Variants in PKHD1L1 observed in about 807,000 individuals in gnomAD.
The protein encoded by PKHD1L1 is PKHD1 like 1, also known as fibrocystin-L.
PKHD1L1 carries 434 observed loss-of-function variants against 462.9 expected under a neutral mutation model. The observed-to-expected ratio is 0.94, with a 90% confidence interval of 0.87 to 1.02. PKHD1L1 has a LOEUF of 1.02. PKHD1L1 is among the 50% of genes least tolerant of loss of function. The probability of loss-of-function intolerance (pLI) is 0.00; values close to 1 mark genes in which losing one functional copy is unlikely to be tolerated. For synonymous variants in PKHD1L1, 1,781 were observed against 1,750.0 expected (o/e 1.02, Z -0.44); for missense variants, 5,202 against 5,096.1 (o/e 1.02, Z -0.63).
In PKHD1L1 at chr8:109,439,100, A is replaced by T; in HGVS notation, c.3956+8A>T. On this transcript the variant is annotated splice_region_variant and intron_variant, in intron 32 of 77. Coordinates refer to ENST00000378402, the MANE Select transcript of PKHD1L1 (RefSeq NM_177531.6). ...GGGTTTTGCATCAACAAGGTATGATAATGAACATAAACTTGATGGAGTTGT... is the reference window on the plus strand; with the variant it reads ...GGGTTTTGCATCAACAAGGTATGATTATGAACATAAACTTGATGGAGTTGT... 6.2e-7 allele frequency: 1 copy of T among 1,608,822 alleles called. No individual in the cohort carries two copies. The highest frequency in any genetic ancestry group is 8.5e-7 in the Non-Finnish European group (1 of 1,176,612).
intron 57 of PKHD1L1, among the ~76,000 whole-genome samples, chr8:109,484,671 T>C (rs1042654505): frequency 6.6e-6 from 1 of 151,896 alleles, no homozygotes; most frequent in Non-Finnish European, 1.5e-5. Flanking sequence ...TAGTTAATTG[T>C]ACTAAACAAA....
In PKHD1L1 at chr8:109,408,030, G is replaced by T; in HGVS notation, c.1814-19G>T. On this transcript the variant is annotated intron_variant, in intron 17 of 77. Coordinates refer to ENST00000378402, the MANE Select transcript of PKHD1L1 (RefSeq NM_177531.6). Reference sequence around the variant, plus strand: ...TTATTAGTTAATGTCTACAAATTCTGTTTGTCACTTAATTTCAGGAGACTT... The same window carrying T: ...TTATTAGTTAATGTCTACAAATTCTTTTTGTCACTTAATTTCAGGAGACTT... The T allele has an allele frequency of 1.3e-6, 2 of 1,560,194 alleles. No homozygotes were observed. Among genetic ancestry groups the T allele is most frequent in the Non-Finnish European group, 8.7e-7 (1 of 1,150,496 alleles).
At chr8:109,394,989 T>C (rs1216679000) in intron 10 of PKHD1L1, among the ~76,000 whole-genome samples, 1 of 152,234 alleles carries the variant, frequency 6.6e-6, no homozygotes, top group Non-Finnish European at 1.5e-5. Flanking sequence ...AACACAGTGC[T>C]CTGCAGAATA....
chr8:109,400,120 A>G lies in PKHD1L1; in HGVS notation c.1057A>G (p.Ile353Val), dbSNP rs2130534367. 6.2e-7 allele frequency: 1 copy of G among 1,613,540 alleles called. No individual in the cohort carries two copies. Residue 353 changes from isoleucine (I) to valine (V), a missense_variant, in exon 13 of 78, where the codon ATA becomes GTA. Transcript: ENST00000378402. Reference protein sequence around the residue: ...KLEVWNNSRPIRLEEILEYNE... With the variant: ...KLEVWNNSRPVRLEEILEYNE... The stretch of plus-strand genomic sequence containing the variant: ...TGAGGTGTGGAATAATAGCCGTCCA[A>G]TACGTTTGGAAGAGATACTGGAATA...
intron 53 of PKHD1L1, 121 bp downstream of exon 53, chr8:109,477,517 T>A (rs930823455): frequency 4.6e-6 from 4 of 871,770 alleles, no homozygotes; most frequent in Middle Eastern, 4.6e-4. Flanking sequence ...GGTTACAAAG[T>A]ACTTTCACAT....
intron 9 of PKHD1L1, among the ~76,000 whole-genome samples, chr8:109,394,134 A>C (rs1812840334): frequency 7.1e-6 from 1 of 140,820 alleles, no homozygotes; most frequent in African/African-American, 2.8e-5. Context: ...GGATTGCACC[A>C]CTGCACTCCA....
intron 48 of PKHD1L1, among the ~76,000 whole-genome samples, chr8:109,463,705 G>C (rs926315384): frequency 6.6e-6 from 1 of 152,112 alleles, no homozygotes; most frequent in Admixed American, 6.6e-5. Context: ...ATGGAACTTT[G>C]TAACCATAAA....
At chr8:109,401,198 A>T (rs1159830982) in intron 13 of PKHD1L1, among the ~76,000 whole-genome samples, 1 of 152,120 alleles carries the variant, frequency 6.6e-6, no homozygotes, top group Non-Finnish European at 1.5e-5. Context: ...TTTCCTGGTA[A>T]GTATCTTCTT....
chr8:109,471,154 A>G, intron 50 of PKHD1L1: 2 of 1,313,954 alleles, frequency 1.5e-6, no homozygotes, highest in East Asian at 4.9e-5. Context: ...ATTCTTCATG[A>G]AATGTGTTTT....
rs145320491 is a variant in PKHD1L1, at chr8:109,394,289, T to C, written c.741-126T>C. On this transcript the variant is annotated intron_variant, in intron 9 of 77. Transcript: ENST00000378402. ...ACCAAATCAAAATAAAGAACATTCT[T>C]ATCTTCTCCCAAAAGTTCCATCGTG... 24 of 553,050 alleles carry C rather than the reference T, an allele frequency of 4.3e-5. No homozygotes were observed. In the East Asian group the frequency reaches 7.1e-4, roughly 16 times the overall value. 34.3% of individuals were successfully genotyped at this position (553,050 alleles called of 1,614,324 possible).
At chr8:109,374,888 T>C (rs1048867436) in intron 2 of PKHD1L1, among the ~76,000 whole-genome samples, 1 of 152,258 alleles carries the variant, frequency 6.6e-6, no homozygotes, top group African/African-American at 2.4e-5. Flanking sequence ...TCTGATGGGC[T>C]TCCCTTTGTG....
chr8:109,362,564 G>A lies in PKHD1L1; in HGVS notation c.-17G>A, dbSNP rs748721794. ...GCTGCGAGCGGAGGGCACCAACTCC[G>A]CAGAACTGGCTTTTCAATGGGACAC... On this transcript the variant is annotated 5_prime_UTR_variant, in exon 1 of 78. Coordinates refer to ENST00000378402, the MANE Select transcript of PKHD1L1 (RefSeq NM_177531.6). The A allele has an allele frequency of 1.9e-6, 3 of 1,599,246 alleles. No individual in the cohort carries two copies. Among genetic ancestry groups the A allele is most frequent in the East Asian group, 2.3e-5 (1 of 44,322 alleles).
intron 2 of PKHD1L1, among the ~76,000 whole-genome samples, chr8:109,368,981 A>T (rs987320044): frequency 3.3e-5 from 5 of 151,268 alleles, no homozygotes; most frequent in South Asian, 2.1e-4. Flanking sequence ...TTAGAATTAC[A>T]TATTTTTTTT....
In PKHD1L1 at chr8:109,464,508, C is replaced by T. The variant is rs746424993; in HGVS notation, c.7676C>T (p.Pro2559Leu). The stretch of plus-strand genomic sequence containing the variant: ...AGTCTTCTGAATGATGATGTGACCC[C>T]GGCTGCATTTTGGGTCACCAACCCG... Reference protein sequence around the residue: ...STSLLNDDVTPAAFWVTNPNN... With the variant: ...STSLLNDDVTLAAFWVTNPNN... The change falls in exon 49 of 78, where the codon CCG becomes CTG. Residue 2559 changes from proline to leucine, a missense_variant. Coordinates refer to ENST00000378402, the MANE Select transcript of PKHD1L1 (RefSeq NM_177531.6). 12 of 1,613,606 alleles carry T rather than the reference C, an allele frequency of 7.4e-6. No individual in the cohort carries two copies. The highest frequency in any genetic ancestry group is 3.3e-5 in the Admixed American group (2 of 59,930).
intron 28 of PKHD1L1, 97 bp downstream of exon 28, chr8:109,433,313 A>C (rs576855127): frequency 9.6e-7 from 1 of 1,039,864 alleles, no homozygotes; most frequent in African/African-American, 1.6e-5. Flanking sequence ...GTGTACAATT[A>C]TCATGATCCA....
chr8:109,530,468 C>T lies in PKHD1L1; in HGVS notation c.*378C>T. 1 of 139,026 alleles carries T rather than the reference C, an allele frequency of 7.2e-6. No homozygotes were observed. Among genetic ancestry groups the T allele is most frequent in the South Asian group, 2.2e-4 (1 of 4,452 alleles). The allele number at this position is 139,026 out of a possible 1,614,324, so 8.6% of individuals were successfully genotyped here. A position where few individuals can be genotyped will look rare whatever the true frequency, so the allele number is the denominator to read the frequency against. ...AGCATTTTAAGTATTCTTTTTAATA[C>T]TTGAGGGGGGGGGTTCTTATTTTCT... is the stretch of plus-strand genomic sequence containing the variant. On this transcript the variant is annotated 3_prime_UTR_variant, in exon 78 of 78. Transcript: ENST00000378402.
chr8:109,421,739 G>A (rs938249468), intron 23 of PKHD1L1, among the ~76,000 whole-genome samples: 3 of 152,112 alleles, frequency 2.0e-5, no homozygotes, highest in African/African-American at 4.8e-5. Flanking sequence ...AGCGGAGATC[G>A]CGCCACTGCA....
intron 46 of PKHD1L1, 77 bp downstream of exon 46, chr8:109,456,468 T>C: frequency 7.3e-7 from 1 of 1,371,266 alleles, no homozygotes; most frequent in Non-Finnish European, 9.6e-7. Context: ...ACAATTCAGA[T>C]GGTGCATGAC....
At chr8:109,454,921 T>A in intron 45 of PKHD1L1, 69 bp downstream of exon 45, 2 of 1,471,424 alleles carry the variant, frequency 1.4e-6, no homozygotes, top group Non-Finnish European at 1.8e-6. Flanking sequence ...ATAATTATCC[T>A]GTGATAATTA....
Sources: gnomAD v4.1 joint callset for allele counts (sites outside exome capture counted in the v4.1 genomes callset) on GRCh38, gnomAD v4.1.1 for gene constraint, MANE v1.5 for transcripts, NCBI Gene and HGNC (gene_info 2026-07-23, HGNC 2026-07-21) for gene names.